KCNAB1: variants seen among roughly 807,000 people sequenced by gnomAD.
KCNAB1 encodes potassium voltage-gated channel subfamily A regulatory beta subunit 1.
In KCNAB1, 35 loss-of-function variants were observed where a neutral mutation model predicts 64.6. The observed-to-expected ratio is 0.54, with a 90% CI of 0.41 to 0.72. The LOEUF (loss-of-function observed/expected upper bound fraction) is 0.72, where lower values mean the gene tolerates loss of function less well. KCNAB1 is among the 30% of genes least tolerant of loss of function. KCNAB1 has a pLI of 0.00. For synonymous variants in KCNAB1, 177 were observed against 183.8 expected (o/e 0.96, Z 0.30); for missense variants, 401 against 512.9 (o/e 0.78, Z 2.11).
chr3:156,145,253 A>G (rs967989232), intron 1 of KCNAB1, among the ~76,000 whole-genome samples: 1 of 152,230 alleles, frequency 6.6e-6, no homozygotes, highest in Non-Finnish European at 1.5e-5. Context: ...TTAATTGATC[A>G]TTAACCCTAA....
At chr3:156,504,421 A>G (rs922044096) in intron 8 of KCNAB1, among the ~76,000 whole-genome samples, 1 of 152,202 alleles carries the variant, frequency 6.6e-6, no homozygotes. Context: ...CTTTGGATAT[A>G]TAATCAGTAG....
At chr3:156,295,379 A>G (rs1720708476) in intron 1 of KCNAB1, among the ~76,000 whole-genome samples, 1 of 152,174 alleles carries the variant, frequency 6.6e-6, no homozygotes, top group African/African-American at 2.4e-5. Context: ...ATGCCTTATG[A>G]TTTTTAAAGC....
intron 1 of KCNAB1, among the ~76,000 whole-genome samples, chr3:156,123,272 G>T (rs1713457379): frequency 6.6e-6 from 1 of 152,180 alleles, no homozygotes; most frequent in Non-Finnish European, 1.5e-5. Context: ...ATTTGCTATT[G>T]GAAATAATTC....
chr3:156,425,852 G>A (rs902413061), intron 2 of KCNAB1, among the ~76,000 whole-genome samples: 11 of 152,174 alleles, frequency 7.2e-5, no homozygotes, highest in African/African-American at 2.4e-4. Flanking sequence ...GGTCTCCTGG[G>A]GGATTTGGGA....
intron 1 of KCNAB1, among the ~76,000 whole-genome samples, chr3:156,283,607 C>G (rs970427050): frequency 8.6e-5 from 13 of 151,878 alleles, no homozygotes; most frequent in African/African-American, 3.1e-4. Context: ...GTACACCAAT[C>G]AGACGTAGAT....
chr3:156,459,031 A>G (rs528513731), intron 4 of KCNAB1, among the ~76,000 whole-genome samples: 1 of 152,368 alleles, frequency 6.6e-6, no homozygotes, highest in African/African-American at 2.4e-5. Flanking sequence ...ACTTAAGACC[A>G]ATAATGACTA....
intron 1 of KCNAB1, among the ~76,000 whole-genome samples, chr3:156,158,189 AAT>A (rs1491103589): frequency 1.6e-4 from 20 of 124,438 alleles, no homozygotes; most frequent in African/African-American, 4.9e-4. Flanking sequence ...AAAATAAATA[AAT>A]AAATAAATAA....
intron 2 of KCNAB1, among the ~76,000 whole-genome samples, chr3:156,447,772 A>T (rs892555141): frequency 6.6e-6 from 1 of 152,224 alleles, no homozygotes; most frequent in Non-Finnish European, 1.5e-5. Context: ...CTGGAAGAGA[A>T]AAAAAGACAA....
At chr3:156,322,848 TACCTC>T (rs961213936) in intron 1 of KCNAB1, among the ~76,000 whole-genome samples, 99 of 152,320 alleles carry the variant, frequency 6.5e-4, no homozygotes, top group African/African-American at 2.3e-3. Context: ...GGGGTTCCGA[TACCTC>T]TTGCCTAATG....
chr3:156,449,349 C>T (rs1711824051), intron 2 of KCNAB1, among the ~76,000 whole-genome samples: 1 of 152,140 alleles, frequency 6.6e-6, no homozygotes, highest in Admixed American at 6.5e-5. Flanking sequence ...GCCTTAAACA[C>T]TTATGCCAGG....
chr3:156,336,848 T>G (rs1723747476), intron 1 of KCNAB1, among the ~76,000 whole-genome samples: 1 of 152,208 alleles, frequency 6.6e-6, no homozygotes, highest in Non-Finnish European at 1.5e-5. Context: ...ATAAGCAACT[T>G]TCACACGAGA....
intron 1 of KCNAB1, chr3:156,273,471 A>G (rs1313004458): frequency 4.9e-6 from 2 of 407,488 alleles, no homozygotes; most frequent in South Asian, 1.8e-5. Flanking sequence ...AGTCTGCCCA[A>G]TGTAGCTTTC....
In KCNAB1 at chr3:156,355,071, T is replaced by C. The variant is rs370402907; in HGVS notation, c.276-66545T>C. Among the ~76,000 whole-genome samples the C allele has an allele frequency of 7.2e-5, 11 of 152,332 alleles. No homozygotes were observed. The East Asian group carries it at 2.1e-3, about 29-fold the overall frequency. On this transcript the variant is annotated intron_variant, in intron 1 of 13. Transcript: ENST00000490337. ...CATTTGAAATAATATCAATTGATAT[T>C]TCAGTGTCTGTTAAGCCTGATTTAT... is the stretch of plus-strand genomic sequence containing the variant.
chr3:156,122,845 T>C (rs1164423771), intron 1 of KCNAB1, among the ~76,000 whole-genome samples: 1 of 152,218 alleles, frequency 6.6e-6, no homozygotes, highest in Non-Finnish European at 1.5e-5. Flanking sequence ...GTTCAATGTT[T>C]GCAATAGCTC....
At chr3:156,237,449 T>C (rs1039207253) in intron 1 of KCNAB1, among the ~76,000 whole-genome samples, 1 of 148,010 alleles carries the variant, frequency 6.8e-6, no homozygotes, top group African/African-American at 2.5e-5. Flanking sequence ...TAAAGTTGCC[T>C]TTTTTTTTTG....
intron 1 of KCNAB1, among the ~76,000 whole-genome samples, chr3:156,400,263 A>G (rs900411435): frequency 1.3e-5 from 2 of 152,198 alleles, no homozygotes; most frequent in African/African-American, 2.4e-5. Context: ...TGCACAGGCA[A>G]TGTGTTTGGA....
chr3:156,477,813 C>T (rs762553545), intron 8 of KCNAB1, among the ~76,000 whole-genome samples: 6 of 151,978 alleles, frequency 3.9e-5, no homozygotes, highest in African/African-American at 1.5e-4. Context: ...CAGGACTGTC[C>T]GGTGGACTTG....
At chr3:156,284,530 T>G (rs544809318) in intron 1 of KCNAB1, among the ~76,000 whole-genome samples, 24 of 152,228 alleles carry the variant, frequency 1.6e-4, no homozygotes, top group South Asian at 6.2e-4. Context: ...GTTTACCTAA[T>G]CAAGCCTGGG....
At chr3:156,269,979 A>C (rs1431407823) in intron 1 of KCNAB1, among the ~76,000 whole-genome samples, 1 of 147,970 alleles carries the variant, frequency 6.8e-6, no homozygotes, top group Non-Finnish European at 1.5e-5. Context: ...GCAGTGGCAC[A>C]ATCTCGGCTC....
Sources: gnomAD v4.1 joint callset for allele counts (sites outside exome capture counted in the v4.1 genomes callset) on GRCh38, gnomAD v4.1.1 for gene constraint, MANE v1.5 for transcripts, NCBI Gene and HGNC (gene_info 2026-07-23, HGNC 2026-07-21) for gene names.